Variants in PTPN12 observed in about 807,000 individuals in gnomAD.
The protein encoded by PTPN12 is tyrosine-protein phosphatase non-receptor type 12.
PTPN12 carries 29 observed loss-of-function variants against 97.6 expected under a neutral mutation model. That is an observed-to-expected ratio of 0.30 (90% confidence interval 0.22 to 0.41). The LOEUF (loss-of-function observed/expected upper bound fraction) is 0.41. PTPN12 is among the 10% of genes least tolerant of loss of function. PTPN12 has a pLI of 1.00. For synonymous variants in PTPN12, 327 were observed against 300.4 expected (o/e 1.09, Z -0.91); for missense variants, 819 against 926.0 (o/e 0.88, Z 1.50).
At chr7:77,542,479 G>C (rs1218885219) in intron 1 of PTPN12, among the ~76,000 whole-genome samples, 1 of 152,160 alleles carries the variant, frequency 6.6e-6, no homozygotes, top group Non-Finnish European at 1.5e-5. Flanking sequence ...TATGAAGGGT[G>C]GCATTTTGGA....
intron 1 of PTPN12, among the ~76,000 whole-genome samples, chr7:77,559,951 A>G (rs1027690941): frequency 2.0e-5 from 3 of 152,228 alleles, no homozygotes; most frequent in African/African-American, 7.2e-5. Flanking sequence ...CAAGAATGAC[A>G]AGTACTATAT....
intron 11 of PTPN12, among the ~76,000 whole-genome samples, chr7:77,616,787 T>C (rs1465460600): frequency 1.3e-5 from 2 of 152,058 alleles, no homozygotes; most frequent in Admixed American, 6.6e-5. Context: ...GGGGGTACTT[T>C]TTTGTTTTTT....
At chr7:77,551,053 T>A (rs1328042274) in intron 1 of PTPN12, among the ~76,000 whole-genome samples, 1 of 152,056 alleles carries the variant, frequency 6.6e-6, no homozygotes, top group Admixed American at 6.6e-5. Flanking sequence ...TTTATTTATT[T>A]ATTTATTATT....
intron 2 of PTPN12, among the ~76,000 whole-genome samples, chr7:77,576,624 G>A (rs1477689860): frequency 2.6e-5 from 4 of 152,116 alleles, no homozygotes; most frequent in African/African-American, 9.7e-5. Context: ...TTGAACCTGG[G>A]AGGCAGAGGT....
chr7:77,628,546 T>C (rs987548171), intron 13 of PTPN12, among the ~76,000 whole-genome samples: 3 of 150,360 alleles, frequency 2.0e-5, no homozygotes, highest in Non-Finnish European at 4.4e-5. Context: ...AAATAAGTAC[T>C]GTGACCTTGA....
intron 2 of PTPN12, among the ~76,000 whole-genome samples, chr7:77,579,321 C>T (rs1015595751): frequency 2.6e-5 from 4 of 152,064 alleles, no homozygotes; most frequent in South Asian, 4.1e-4. Context: ...GATGGGGTTT[C>T]GCCATGTGGG....
intron 16 of PTPN12, 152 bp from the exon 17 acceptor site, chr7:77,638,472 G>GTAT: frequency 2.5e-6 from 3 of 1,207,128 alleles, no homozygotes; most frequent in Non-Finnish European, 3.2e-6. Flanking sequence ...CACTACACTT[G>GTAT]TATTTATATT....
At chr7:77,628,467 A>G (rs1789279767) in intron 13 of PTPN12, among the ~76,000 whole-genome samples, 1 of 152,182 alleles carries the variant, frequency 6.6e-6, no homozygotes, top group Non-Finnish European at 1.5e-5. Flanking sequence ...ATTGATTATC[A>G]GTGGTCACTT....
intron 1 of PTPN12, among the ~76,000 whole-genome samples, chr7:77,538,334 G>A (rs1806766142): frequency 6.6e-6 from 1 of 152,050 alleles, no homozygotes; most frequent in African/African-American, 2.4e-5. Flanking sequence ...TAGGTTCAGG[G>A]GATAAGTGTG....
intron 9 of PTPN12, among the ~76,000 whole-genome samples, chr7:77,607,654 T>C (rs1418021438): frequency 1.3e-5 from 2 of 152,196 alleles, no homozygotes; most frequent in Non-Finnish European, 2.9e-5. Flanking sequence ...ATAGGATGCA[T>C]TGGGGAACAA....
chr7:77,638,565 T>TAC, intron 16 of PTPN12, 59 bp from the exon 17 acceptor site: 1 of 1,463,100 alleles, frequency 6.8e-7, no homozygotes, highest in Non-Finnish European at 9.0e-7. Flanking sequence ...ATTAAAGAGT[T>TAC]ATATATATAT....
At chr7:77,540,150 C>T (rs1395717102) in intron 1 of PTPN12, among the ~76,000 whole-genome samples, 4 of 152,080 alleles carry the variant, frequency 2.6e-5, no homozygotes, top group Non-Finnish European at 5.9e-5. Flanking sequence ...CCTCTGAACT[C>T]CTGTACTGGA....
intron 11 of PTPN12, among the ~76,000 whole-genome samples, chr7:77,617,550 A>G (rs1230164748): frequency 2.0e-5 from 3 of 152,298 alleles, no homozygotes; most frequent in African/African-American, 7.2e-5. Context: ...TTAATTAAAA[A>G]CAATGATAAC....
chr7:77,553,975 C>A (rs899193208), intron 1 of PTPN12, among the ~76,000 whole-genome samples: 2 of 142,630 alleles, frequency 1.4e-5, no homozygotes, highest in Non-Finnish European at 3.1e-5. Context: ...TGTTTTTGGT[C>A]TTTTCTAAAG....
intron 9 of PTPN12, among the ~76,000 whole-genome samples, chr7:77,608,166 GC>G (rs1217036247): frequency 1.3e-5 from 2 of 152,186 alleles, no homozygotes; most frequent in Non-Finnish European, 2.9e-5. Context: ...GAGCCAAATT[GC>G]CCAGATTATA....
chr7:77,625,520 T>TCA (rs1554326673), intron 12 of PTPN12, among the ~76,000 whole-genome samples: 15 of 74,230 alleles, frequency 2.0e-4, no homozygotes, highest in Non-Finnish European at 3.1e-4. Flanking sequence ...TCTCTCTCTC[T>TCA]CTCACTCTCA....
intron 1 of PTPN12, 26 bp from the exon 2 acceptor site, chr7:77,571,052 T>C: frequency 6.9e-7 from 1 of 1,451,754 alleles, no homozygotes; most frequent in Non-Finnish European, 9.3e-7. Context: ...TCTCTAAACT[T>C]TAATTTTTAT....
intron 1 of PTPN12, among the ~76,000 whole-genome samples, chr7:77,549,158 A>G (rs896178234): frequency 1.3e-5 from 2 of 152,194 alleles, no homozygotes; most frequent in Non-Finnish European, 1.5e-5. Flanking sequence ...GAGCTTATTC[A>G]TATGTGTATG....
rs550980427 is a variant in PTPN12 at position 77,558,648 on chromosome 7, G to C, written c.100-12430G>C. Among the ~76,000 whole-genome samples the C allele has an allele frequency of 6.1e-4, 93 of 152,308 alleles. 1 individual carries two copies. The South Asian group carries it at 0.011, about 18-fold the overall frequency. On this transcript the variant is annotated intron_variant, in intron 1 of 17. Coordinates refer to ENST00000248594, the MANE Select transcript of PTPN12 (RefSeq NM_002835.4). ...TGCTTACAATGTTATCCCTTGGCTG[G>C]TGTCTGGGAACTTAGACTTTTGGGA...
Sources: gnomAD v4.1 joint callset for allele counts (sites outside exome capture counted in the v4.1 genomes callset) on GRCh38, gnomAD v4.1.1 for gene constraint, MANE v1.5 for transcripts, NCBI Gene and HGNC (gene_info 2026-07-23, HGNC 2026-07-21) for gene names.